The following TTC7B variants were observed in gnomAD, a reference collection of about 807,000 sequenced individuals.
TTC7B encodes the protein tetratricopeptide repeat domain 7B.
A neutral mutation model predicts 106.8 loss-of-function variants in TTC7B; 28 were observed. The ratio of observed to expected loss-of-function variants is 0.26; its 90% CI spans 0.19 to 0.36. The LOEUF is 0.36. TTC7B is among the 10% of genes least tolerant of loss of function. The probability of loss-of-function intolerance (pLI) is 1.00; values close to 1 mark genes in which losing one functional copy is unlikely to be tolerated. For synonymous variants in TTC7B, 405 were observed against 430.6 expected (o/e 0.94, Z 0.74); for missense variants, 862 against 1,076.4 (o/e 0.80, Z 2.79).
At chr14:90,594,649 A>G (rs1226787839) in intron 17 of TTC7B, among the ~76,000 whole-genome samples, 1 of 152,250 alleles carries the variant, frequency 6.6e-6, no homozygotes, top group Non-Finnish European at 1.5e-5. Context: ...ACATACCAAC[A>G]TTGAGAGTGG....
At chr14:90,696,389 G>C (rs8019487) in intron 5 of TTC7B, among the ~76,000 whole-genome samples, 148,239 of 152,322 alleles carry the variant, frequency 0.97, 72,268 homozygotes, top group East Asian at 1. Flanking sequence ...CATTAAGCAC[G>C]GCCACCACCT....
intron 18 of TTC7B, among the ~76,000 whole-genome samples, chr14:90,592,394 T>C (rs1252957331): frequency 6.6e-6 from 1 of 152,194 alleles, no homozygotes; most frequent in Admixed American, 6.5e-5. Context: ...AAGCGCAGTG[T>C]AGTGGGATTC....
rs554693971 is a variant in TTC7B, at chr14:90,700,294, C to T, written c.699-4716G>A. ...AGGCATTTCAGGGAAACTTTCCTGC[C>T]CTTGTGCCTTCACACTTGCTCCTCT... On this transcript the variant is annotated intron_variant, in intron 5 of 19. Transcript: ENST00000328459. 1.2e-4 allele frequency among the ~76,000 whole-genome samples: 18 copies of T among 152,248 alleles called. No homozygotes were observed. In the South Asian group the frequency reaches 3.1e-3, roughly 26 times the overall value.
Position 90,618,058 on chromosome 14 carries a change from G to C in TTC7B, c.1752-13C>G, listed in dbSNP as rs541800287. 6.3e-7 allele frequency: 1 copy of C among 1,592,886 alleles called. No homozygotes were observed. Among genetic ancestry groups the C allele is most frequent in the Non-Finnish European group, 8.6e-7 (1 of 1,161,058 alleles). ...GGAAAACAGTAGTCTGCAGTGGGGA[G>C]ACAAAGGGAGAAAACACCACGGCTC... On this transcript the variant is annotated splice_polypyrimidine_tract_variant and intron_variant, in intron 15 of 19. Coordinates refer to ENST00000328459, the MANE Select transcript of TTC7B (RefSeq NM_001010854.2).
At chr14:90,549,425 G>A (rs952725011) in intron 19 of TTC7B, among the ~76,000 whole-genome samples, 4 of 152,206 alleles carry the variant, frequency 2.6e-5, no homozygotes, top group Non-Finnish European at 5.9e-5. Flanking sequence ...TTCTGGGGTG[G>A]AAAGCCCATC....
chr14:90,709,535 G>T (rs1170141818), intron 5 of TTC7B, among the ~76,000 whole-genome samples: 2 of 121,782 alleles, frequency 1.6e-5, no homozygotes, highest in African/African-American at 3.2e-5. Context: ...GGGGACTGTT[G>T]TGGGGTGGGG....
intron 16 of TTC7B, among the ~76,000 whole-genome samples, chr14:90,614,582 GC>G (rs1892995122): frequency 6.6e-6 from 1 of 152,264 alleles, no homozygotes; most frequent in African/African-American, 2.4e-5. Flanking sequence ...AAGAGAGGCA[GC>G]ATGCCAGTGT....
At chr14:90,715,802 C>A (rs535123354) in intron 5 of TTC7B, among the ~76,000 whole-genome samples, 2 of 152,246 alleles carry the variant, frequency 1.3e-5, no homozygotes, top group South Asian at 4.1e-4. Flanking sequence ...CTCCCAAGAC[C>A]CCTGTCAGAT....
At chr14:90,679,770 G>A (rs534129708) in intron 8 of TTC7B, among the ~76,000 whole-genome samples, 193 of 152,302 alleles carry the variant, frequency 1.3e-3, no homozygotes, top group African/African-American at 4.5e-3. Context: ...GGGCCACAGC[G>A]CCTAGTGATA....
At chr14:90,720,916 A>G (rs971340698) in intron 5 of TTC7B, among the ~76,000 whole-genome samples, 1 of 152,348 alleles carries the variant, frequency 6.6e-6, no homozygotes, top group African/African-American at 2.4e-5. Context: ...AATATTTGAC[A>G]GATGAATAAA....
intron 14 of TTC7B, 64 bp downstream of exon 14, chr14:90,646,887 G>A (rs1885479719): frequency 2.9e-6 from 4 of 1,402,806 alleles, no homozygotes; most frequent in Non-Finnish European, 4.0e-6. Context: ...TCAAACTGAA[G>A]AGCTGAAGGA....
chr14:90,780,817 C>G lies in TTC7B; in HGVS notation c.366G>C (p.Arg122=). Residue 122 remains arginine (R), a synonymous_variant, in exon 3 of 20, where the codon CGG becomes CGC. Coordinates refer to ENST00000328459, the MANE Select transcript of TTC7B (RefSeq NM_001010854.2). The stretch of plus-strand genomic sequence containing the variant: ...TCAGTGGCAGATCGTCCAGGCCCAC[C>G]CGGGCGTAAATGTTCAGAGCTTCTT... The part of the protein sequence containing the change: ...DYKEALNIYA[R]VGLDDLPLTA... The G allele has an allele frequency of 6.2e-7, 1 of 1,614,272 alleles. No individual in the cohort carries two copies. The highest frequency in any genetic ancestry group is 1.1e-5 in the South Asian group (1 of 91,084).
intron 18 of TTC7B, among the ~76,000 whole-genome samples, chr14:90,589,663 A>C (rs575548230): frequency 6.6e-6 from 1 of 152,274 alleles, no homozygotes; most frequent in African/African-American, 2.4e-5. Flanking sequence ...GTAATGGCAA[A>C]ATACTAGAGT....
chr14:90,767,545 A>G (rs1890731363), intron 3 of TTC7B, among the ~76,000 whole-genome samples: 1 of 152,174 alleles, frequency 6.6e-6, no homozygotes. Flanking sequence ...TCTTTCTCTC[A>G]CCCTCTCACC....
intron 3 of TTC7B, chr14:90,772,875 C>T (rs1258261966): frequency 6.6e-6 from 1 of 152,156 alleles, no homozygotes; most frequent in East Asian, 1.9e-4. Context: ...GTGGGAAGAT[C>T]GCTTGAGCCT....
chr14:90,584,150 C>T (rs748151338), intron 18 of TTC7B, among the ~76,000 whole-genome samples: 4 of 152,172 alleles, frequency 2.6e-5, no homozygotes, highest in Admixed American at 2.0e-4. Flanking sequence ...CTCTGCCTTG[C>T]GCACAGAGGG....
At chr14:90,602,319 G>A (rs61987022) in intron 17 of TTC7B, 37,874 of 425,248 alleles carry the variant, frequency 0.089, 1,879 homozygotes, top group South Asian at 0.11. Flanking sequence ...ATGGACTGTC[G>A]TCCAAATATA....
chr14:90,575,284 T>C lies in TTC7B; in HGVS notation c.2310+2822A>G, dbSNP rs1283162980. On this transcript the variant is annotated intron_variant, in intron 19 of 19. Coordinates refer to ENST00000328459, the MANE Select transcript of TTC7B (RefSeq NM_001010854.2). The surrounding 1 kb of genome is among the most constrained non-coding windows in gnomAD (Gnocchi z 5.2). ...GTATTGGCGCGGTTATCCTCATTTA[T>C]ATAGCTGAGGAAAATGAGGCACCAA... Among the ~76,000 whole-genome samples, 1 of 152,230 alleles carries C rather than the reference T, an allele frequency of 6.6e-6. No individual in the cohort carries two copies. Among genetic ancestry groups the C allele is most frequent in the Non-Finnish European group, 1.5e-5 (1 of 68,048 alleles).
chr14:90,667,525 C>T (rs1490821877), intron 9 of TTC7B, among the ~76,000 whole-genome samples: 1 of 152,196 alleles, frequency 6.6e-6, no homozygotes, highest in Non-Finnish European at 1.5e-5. Flanking sequence ...CCTACCCCCG[C>T]AAACAACCCC....
Sources: gnomAD v4.1 joint callset for allele counts (sites outside exome capture counted in the v4.1 genomes callset) on GRCh38, gnomAD v4.1.1 for gene constraint, Gnocchi (gnomAD v3.1) non-coding constraint, MANE v1.5 for transcripts, NCBI Gene and HGNC (gene_info 2026-07-23, HGNC 2026-07-21) for gene names.